The following UMAD1 variants were observed in gnomAD, a reference collection of about 807,000 sequenced individuals.
UMAD1 encodes the protein UBAP1-MVB12-associated (UMA) domain containing 1, also known as UBAP1-MVB12-associated (UMA)-domain containing protein 1.
Under a neutral mutation model 6.1 loss-of-function variants are expected in UMAD1, and 8 were observed. The observed-to-expected ratio is 1.30, with a 90% CI of 0.76 to 2.35. The LOEUF is 2.35. Ranked by LOEUF, UMAD1 falls within the 30% of genes most tolerant of loss-of-function variation. The pLI, the probability that UMAD1 is intolerant of heterozygous loss-of-function variation, is 0.00. For missense variants in UMAD1, 130 were observed against 78.4 expected, an observed-to-expected ratio of 1.66 and a Z score of -2.49; for synonymous variants, 56 against 31.4, an observed-to-expected ratio of 1.78 and a Z score of -2.61.
intron 2 of UMAD1, among the ~76,000 whole-genome samples, chr7:7,722,735 C>T (rs1781073664): frequency 6.6e-6 from 1 of 152,166 alleles, no homozygotes; most frequent in Non-Finnish European, 1.5e-5. Context: ...AAGCTCTTAT[C>T]ATGTGGGTGG....
At chr7:7,649,694 G>GC (rs1357526405) in intron 1 of UMAD1, among the ~76,000 whole-genome samples, 14 of 151,158 alleles carry the variant, frequency 9.3e-5, no homozygotes, top group South Asian at 2.1e-4. Flanking sequence ...TGGTGGGGGG[G>GC]CCCACCCTAC....
At chr7:7,757,061 A>G (rs1013457258) in intron 2 of UMAD1, among the ~76,000 whole-genome samples, 7 of 152,256 alleles carry the variant, frequency 4.6e-5, no homozygotes, top group Admixed American at 4.6e-4. Flanking sequence ...TCTTTGAGAC[A>G]TGAGTTACTA....
At chr7:7,649,158 C>CAA (rs34943326) in intron 1 of UMAD1, among the ~76,000 whole-genome samples, 4,539 of 128,208 alleles carry the variant, frequency 0.035, 95 homozygotes, top group East Asian at 0.05. Flanking sequence ...GACTCCATCT[C>CAA]AAAAAAAAAA....
chr7:7,827,062 G>A (rs1240254772), intron 3 of UMAD1, among the ~76,000 whole-genome samples: 10 of 151,716 alleles, frequency 6.6e-5, no homozygotes, highest in South Asian at 6.2e-4. Flanking sequence ...TGTGCTCAGT[G>A]CCAAAGAAGA....
intron 1 of UMAD1, among the ~76,000 whole-genome samples, chr7:7,670,807 G>T (rs1779587647): frequency 6.6e-6 from 1 of 152,176 alleles, no homozygotes; most frequent in Non-Finnish European, 1.5e-5. Context: ...GGCGAACAAA[G>T]GGAGAGAGAG....
At chr7:7,648,187 A>T (rs1668333505) in intron 1 of UMAD1, among the ~76,000 whole-genome samples, 1 of 152,190 alleles carries the variant, frequency 6.6e-6, no homozygotes, top group African/African-American at 2.4e-5. Context: ...GGAGATTTCC[A>T]TTAGGACTTA....
intron 3 of UMAD1, among the ~76,000 whole-genome samples, chr7:7,870,054 C>A (rs1190832230): frequency 6.6e-6 from 1 of 152,132 alleles, no homozygotes; most frequent in Non-Finnish European, 1.5e-5. Context: ...CTTTGAATTA[C>A]TTGAAATAAA....
chr7:7,875,458 T>C (rs532084066), intron 3 of UMAD1, among the ~76,000 whole-genome samples: 3 of 151,658 alleles, frequency 2.0e-5, no homozygotes, highest in African/African-American at 7.3e-5. Context: ...CTAGTAAAGA[T>C]GAAAAGAGAG....
chr7:7,676,159 C>T (rs1779732664), intron 2 of UMAD1: 2 of 398,610 alleles, frequency 5.0e-6, no homozygotes, highest in East Asian at 7.1e-5. Flanking sequence ...CTGGGTCAGA[C>T]CCTTTGGGTT....
At chr7:7,725,168 C>T (rs958141129) in intron 2 of UMAD1, among the ~76,000 whole-genome samples, 3 of 152,174 alleles carry the variant, frequency 2.0e-5, no homozygotes, top group Non-Finnish European at 2.9e-5. Context: ...TTGGCTCCTC[C>T]TACAACCAAG....
chr7:7,681,069 A>G (rs1318538464), intron 2 of UMAD1, among the ~76,000 whole-genome samples: 1 of 152,160 alleles, frequency 6.6e-6, no homozygotes, highest in Admixed American at 6.6e-5. Flanking sequence ...TGTCTAAATG[A>G]TAAAGCTAAG....
chr7:7,713,766 C>T (rs1780823998), intron 2 of UMAD1, among the ~76,000 whole-genome samples: 1 of 152,110 alleles, frequency 6.6e-6, no homozygotes, highest in Admixed American at 6.5e-5. Context: ...TGAGCAGCTT[C>T]CAAATTTTAA....
rs75140214 is a variant in UMAD1, at chr7:7,795,195, T to G, written c.83-6475T>G. 8.6e-3 allele frequency among the ~76,000 whole-genome samples: 1,317 copies of G among 152,350 alleles called. 29 individuals are homozygous for G. The highest frequency in any genetic ancestry group is 0.045 in the East Asian group (232 of 5,180). On this transcript the variant is annotated intron_variant, in intron 2 of 3. Transcript: ENST00000682710. ...ACCTGACCGTCTCAGGCACACTTTCTCAGGACCTCCTGAGACTGTTTCCTG... is the reference window on the plus strand; with the variant it reads ...ACCTGACCGTCTCAGGCACACTTTCGCAGGACCTCCTGAGACTGTTTCCTG...
At chr7:7,827,145 A>ATGTG (rs1162912790) in intron 3 of UMAD1, among the ~76,000 whole-genome samples, 9 of 135,354 alleles carry the variant, frequency 6.6e-5, no homozygotes, top group South Asian at 4.8e-4. Flanking sequence ...ATATATATAT[A>ATGTG]TATGTGTGTG....
intron 2 of UMAD1, among the ~76,000 whole-genome samples, chr7:7,786,400 G>C (rs560628655): frequency 6.6e-6 from 1 of 152,296 alleles, no homozygotes; most frequent in African/African-American, 2.4e-5. Flanking sequence ...CAATAATTAT[G>C]TGTTCTTTTC....
intron 1 of UMAD1, among the ~76,000 whole-genome samples, chr7:7,666,952 C>T (rs985094654): frequency 5.9e-5 from 9 of 152,266 alleles, no homozygotes; most frequent in South Asian, 2.1e-4. Flanking sequence ...GGATTGCAGG[C>T]GTGCGCCACC....
chr7:7,673,734 ATCT>A (rs1779672386), intron 2 of UMAD1, among the ~76,000 whole-genome samples: 1 of 151,238 alleles, frequency 6.6e-6, no homozygotes, highest in Non-Finnish European at 1.5e-5. Context: ...ACTGTGGAAA[ATCT>A]AAAGTCTTCA....
chr7:7,753,043 C>T (rs1405824256), intron 2 of UMAD1, among the ~76,000 whole-genome samples: 10 of 152,066 alleles, frequency 6.6e-5, no homozygotes, highest in Non-Finnish European at 7.4e-5. Flanking sequence ...GTAAAAGACC[C>T]CTCCTCCACT....
chr7:7,742,059 G>T (rs989136769), intron 2 of UMAD1: 2 of 551,912 alleles, frequency 3.6e-6, no homozygotes, highest in African/African-American at 3.7e-5. Flanking sequence ...ACAGGGCTTG[G>T]TACATCATAG....
Sources: allele counts gnomAD v4.1 joint callset (sites outside exome capture counted in the v4.1 genomes callset), GRCh38; gene constraint gnomAD v4.1.1; transcripts MANE v1.5; gene names NCBI Gene and HGNC (gene_info 2026-07-23, HGNC 2026-07-21).